The following SNTG1 variants were observed in gnomAD, a reference collection of about 807,000 sequenced individuals.
SNTG1 encodes syntrophin gamma 1.
In SNTG1, 39 loss-of-function variants were observed where a neutral mutation model predicts 74.7. That is an observed-to-expected ratio of 0.52 (90% CI 0.40 to 0.68). SNTG1 has a LOEUF of 0.68. SNTG1 is among the 30% of genes least tolerant of loss of function. SNTG1 has a pLI of 0.00. For synonymous variants in SNTG1, 254 were observed against 217.1 expected (o/e 1.17, Z -1.49); for missense variants, 685 against 609.5 (o/e 1.12, Z -1.30).
chr8:50,683,930 T>C (rs939505898), intron 15 of SNTG1, among the ~76,000 whole-genome samples: 2 of 152,166 alleles, frequency 1.3e-5, no homozygotes, highest in African/African-American at 4.8e-5. Flanking sequence ...TTAATCACAA[T>C]TGAAGAAAGA....
chr8:50,366,032 TAACA>T (rs1003982412), intron 2 of SNTG1, among the ~76,000 whole-genome samples: 15 of 152,176 alleles, frequency 9.9e-5, no homozygotes, highest in African/African-American at 3.6e-4. Context: ...TATTATTTTC[TAACA>T]AACAATTTAT....
chr8:50,258,769 G>T (rs2087006357), intron 2 of SNTG1, among the ~76,000 whole-genome samples: 1 of 152,032 alleles, frequency 6.6e-6, no homozygotes, highest in African/African-American at 2.4e-5. Flanking sequence ...AAGAAAATGA[G>T]CAGAGTCTAA....
intron 2 of SNTG1, among the ~76,000 whole-genome samples, chr8:50,309,733 A>G (rs1202218816): frequency 2.0e-5 from 3 of 152,218 alleles, no homozygotes; most frequent in Non-Finnish European, 4.4e-5. Context: ...CGAAGTGGAG[A>G]TTAAAGGAAA....
chr8:50,615,024 G>C (rs1347022948), intron 13 of SNTG1, among the ~76,000 whole-genome samples: 3 of 150,182 alleles, frequency 2.0e-5, no homozygotes, highest in South Asian at 2.1e-4. Context: ...CTCACTCCAA[G>C]CTCTGCCTCC....
At chr8:50,229,841 C>T (rs569629609) in intron 2 of SNTG1, among the ~76,000 whole-genome samples, 1 of 151,380 alleles carries the variant, frequency 6.6e-6, no homozygotes, top group African/African-American at 2.4e-5. Context: ...GCAACAAATA[C>T]ACATTAACAT....
intron 1 of SNTG1, among the ~76,000 whole-genome samples, chr8:50,126,297 G>A (rs901095759): frequency 5.3e-5 from 8 of 152,094 alleles, no homozygotes; most frequent in Non-Finnish European, 1.0e-4. Flanking sequence ...GTGCCAGGCT[G>A]TGTAGGTTGT....
intron 1 of SNTG1, among the ~76,000 whole-genome samples, chr8:50,167,544 C>T (rs1250614441): frequency 6.6e-6 from 1 of 151,446 alleles, no homozygotes; most frequent in African/African-American, 2.4e-5. Context: ...TGCCTATAAT[C>T]CCAGCACTTT....
At chr8:50,508,932 C>T (rs1032217515) in intron 9 of SNTG1, among the ~76,000 whole-genome samples, 9 of 152,136 alleles carry the variant, frequency 5.9e-5, no homozygotes, top group Admixed American at 1.3e-4. Flanking sequence ...TAATTAGATC[C>T]CATTTGTCAA....
chr8:50,320,123 G>A (rs915076992), intron 2 of SNTG1, among the ~76,000 whole-genome samples: 14 of 152,176 alleles, frequency 9.2e-5, no homozygotes, highest in African/African-American at 3.1e-4. Flanking sequence ...GGGTTTAGCA[G>A]TGAAGACATT....
At chr8:50,634,997 G>C (rs772890047) in intron 13 of SNTG1, among the ~76,000 whole-genome samples, 3 of 152,070 alleles carry the variant, frequency 2.0e-5, no homozygotes, top group Non-Finnish European at 4.4e-5. Flanking sequence ...GTAGACCTGT[G>C]GTATCCTGGG....
chr8:50,475,072 T>G (rs927719744), intron 8 of SNTG1, among the ~76,000 whole-genome samples: 2 of 95,358 alleles, frequency 2.1e-5, no homozygotes, highest in African/African-American at 8.3e-5. Context: ...CACTGGGGAC[T>G]GTTGTGGGGT....
Position 50,313,330 on chromosome 8 carries a change from T to C in SNTG1, c.-27-80882T>C, listed in dbSNP as rs137978155. ...ATACACAAATGGGGTTTCATCAAAC[T>C]AGAAAGCTTCCGCACTGCAAAGGAA... On this transcript the variant is annotated intron_variant, in intron 2 of 18. Transcript: ENST00000642720. 4.3e-4 allele frequency among the ~76,000 whole-genome samples: 64 copies of C among 149,758 alleles called. 5 individuals are homozygous for C. The highest frequency in any genetic ancestry group is 1.4e-3 in the African/African-American group (56 of 40,180).
At chr8:50,521,396 A>G (rs2094178412) in intron 9 of SNTG1, among the ~76,000 whole-genome samples, 1 of 152,198 alleles carries the variant, frequency 6.6e-6, no homozygotes, top group South Asian at 2.1e-4. Context: ...CTGCACATGT[A>G]CCCCAGAACT....
intron 8 of SNTG1, among the ~76,000 whole-genome samples, chr8:50,493,371 G>A (rs1377137874): frequency 6.6e-6 from 1 of 152,132 alleles, no homozygotes; most frequent in East Asian, 1.9e-4. Context: ...AACCGTTTAG[G>A]AAACTACATG....
At position 50,651,024 on chromosome 8, in the gene SNTG1, C is replaced by G. The variant is rs113112290; in HGVS notation, c.850-5885C>G. Among the ~76,000 whole-genome samples, 193 of 152,198 alleles carry G rather than the reference C, an allele frequency of 1.3e-3. 1 individual carries two copies. The highest frequency in any genetic ancestry group is 4.4e-3 in the African/African-American group (181 of 41,532). On this transcript the variant is annotated intron_variant, in intron 13 of 18. Transcript: ENST00000642720. ...CCTCTCATTTAAATTTTAAAAGTAA[C>G]TTGCAAAATATCATTTATAAGATTT...
chr8:50,767,582 A>T (rs1035777187), intron 18 of SNTG1, among the ~76,000 whole-genome samples: 1 of 151,962 alleles, frequency 6.6e-6, no homozygotes, highest in Non-Finnish European at 1.5e-5. Flanking sequence ...GTGGTTCCCA[A>T]TTGAAGCCTT....
chr8:50,354,441 G>A (rs2091761145), intron 2 of SNTG1, among the ~76,000 whole-genome samples: 1 of 151,900 alleles, frequency 6.6e-6, no homozygotes, highest in East Asian at 1.9e-4. Flanking sequence ...TTTTTGGTAT[G>A]GGATAACATT....
chr8:50,261,430 A>G (rs1045459804), intron 2 of SNTG1, among the ~76,000 whole-genome samples: 5 of 152,176 alleles, frequency 3.3e-5, no homozygotes, highest in African/African-American at 9.6e-5. Flanking sequence ...AAAATGGTAT[A>G]GGTTAGAAAC....
chr8:49,916,927 A>C (rs1806096287), intron 1 of SNTG1, among the ~76,000 whole-genome samples: 1 of 152,042 alleles, frequency 6.6e-6, no homozygotes, highest in South Asian at 2.1e-4. Context: ...CAGGAGGCTG[A>C]GGTAGGAGGA....
Sources: gnomAD v4.1 joint callset for allele counts (sites outside exome capture counted in the v4.1 genomes callset) on GRCh38, gnomAD v4.1.1 for gene constraint, MANE v1.5 for transcripts, NCBI Gene and HGNC (gene_info 2026-07-23, HGNC 2026-07-21) for gene names.